Variants in FGF12 observed in about 807,000 individuals in gnomAD.
FGF12 encodes the protein fibroblast growth factor 12B.
In FGF12, 14 loss-of-function variants were observed where a neutral mutation model predicts 23.6. That is an observed-to-expected ratio of 0.59 (90% CI 0.39 to 0.93). The LOEUF (loss-of-function observed/expected upper bound fraction) is 0.93, where lower values mean the gene tolerates loss of function less well. Ranked by LOEUF, FGF12 falls within the 40% of genes least tolerant of loss-of-function variation. The pLI, the probability that FGF12 is intolerant of heterozygous loss-of-function variation, is 0.00. For missense variants in FGF12, 175 were observed against 217.8 expected (o/e 0.80, Z 1.24); for synonymous variants, 62 against 77.3 (o/e 0.80, Z 1.04).
intron 2 of FGF12, among the ~76,000 whole-genome samples, chr3:192,549,637 C>T (rs1725582919): frequency 1.3e-5 from 2 of 152,080 alleles, no homozygotes; most frequent in African/African-American, 2.4e-5. Flanking sequence ...ATGAGACTCA[C>T]ATTTGAATCA....
chr3:192,406,973 G>C (rs1720979918), intron 2 of FGF12, among the ~76,000 whole-genome samples: 2 of 152,292 alleles, frequency 1.3e-5, no homozygotes, highest in South Asian at 2.1e-4. Context: ...GTCCACAATA[G>C]GGGTAGAGTA....
chr3:192,504,826 T>C (rs149808862), intron 2 of FGF12, among the ~76,000 whole-genome samples: 2 of 152,234 alleles, frequency 1.3e-5, no homozygotes, highest in Non-Finnish European at 2.9e-5. Context: ...GATTTAGTTT[T>C]GGGAGAAAGG....
At chr3:192,519,700 G>A (rs947200710) in intron 2 of FGF12, among the ~76,000 whole-genome samples, 2 of 152,100 alleles carry the variant, frequency 1.3e-5, no homozygotes, top group African/African-American at 4.8e-5. Context: ...AGTGACTTTT[G>A]TATTTCCTTT....
At position 192,408,055 on chromosome 3, in the gene FGF12, C is replaced by A. The variant is rs779788156; in HGVS notation, c.14-47517G>T. ...CTCCGCCTCACCGGCCTCTTGCGGC[C>A]GCTGCAGAAGCGCACTTTGCTGAAC... On this transcript the variant is annotated intron_variant, in intron 2 of 5. Coordinates refer to ENST00000445105, the MANE Select transcript of FGF12 (RefSeq NM_004113.6). The surrounding 1 kb of genome is among the most constrained non-coding windows in gnomAD (Gnocchi z 7.3). The A allele has an allele frequency of 3.1e-6, 5 of 1,612,240 alleles. No individual in the cohort carries two copies. The African/African-American group carries it at 5.3e-5, about 17-fold the overall frequency.
intron 4 of FGF12, among the ~76,000 whole-genome samples, chr3:192,252,291 T>C (rs1712067610): frequency 6.6e-6 from 1 of 151,010 alleles, no homozygotes; most frequent in Non-Finnish European, 1.5e-5. Context: ...CAAAACCCTG[T>C]CTCTACTAAA....
chr3:192,438,458 A>C (rs977541134), intron 2 of FGF12, among the ~76,000 whole-genome samples: 4 of 152,258 alleles, frequency 2.6e-5, no homozygotes, highest in African/African-American at 9.6e-5. Context: ...ATCTAGAAGA[A>C]GCCATCTTCA....
chr3:192,219,760 ACACT>A (rs937482375), intron 4 of FGF12, among the ~76,000 whole-genome samples: 1 of 152,208 alleles, frequency 6.6e-6, no homozygotes, highest in Non-Finnish European at 1.5e-5. Context: ...ATTCTGACTC[ACACT>A]CACATTTGAG....
chr3:192,675,328 T>C (rs1298090931), intron 2 of FGF12, among the ~76,000 whole-genome samples: 3 of 152,180 alleles, frequency 2.0e-5, no homozygotes, highest in Admixed American at 1.3e-4. Context: ...ACTTTTTTTT[T>C]CAAGTGAGGC....
intron 2 of FGF12, among the ~76,000 whole-genome samples, chr3:192,618,112 C>A (rs997143417): frequency 7.9e-5 from 12 of 151,952 alleles, no homozygotes; most frequent in African/African-American, 2.9e-4. Flanking sequence ...ACATAAGCAA[C>A]CCTTACAGGA....
At chr3:192,430,919 T>C (rs1721843387) in intron 2 of FGF12, among the ~76,000 whole-genome samples, 2 of 152,280 alleles carry the variant, frequency 1.3e-5, no homozygotes, top group Admixed American at 6.5e-5. Context: ...TTTCAAACAA[T>C]TGGGTCTATG....
At chr3:192,551,187 A>G (rs569821873) in intron 2 of FGF12, among the ~76,000 whole-genome samples, 1 of 152,344 alleles carries the variant, frequency 6.6e-6, no homozygotes, top group South Asian at 2.1e-4. Flanking sequence ...TTAACCCCGT[A>G]TTAACTCCAG....
At chr3:192,392,951 T>C (rs911050562) in intron 2 of FGF12, among the ~76,000 whole-genome samples, 9 of 152,230 alleles carry the variant, frequency 5.9e-5, no homozygotes, top group Admixed American at 2.0e-4. Flanking sequence ...GTTTGCTTTT[T>C]AATTCTACCT....
chr3:192,643,243 C>A (rs558983136), intron 2 of FGF12, among the ~76,000 whole-genome samples: 1 of 146,674 alleles, frequency 6.8e-6, no homozygotes, highest in Admixed American at 6.8e-5. Flanking sequence ...TTATCTATCT[C>A]TAGCTAGCTA....
At position 192,633,098 on chromosome 3, in the gene FGF12, T is replaced by C. The variant is rs557549156; in HGVS notation, c.13+94083A>G. Among the ~76,000 whole-genome samples the C allele has an allele frequency of 2.0e-5, 3 of 152,272 alleles. No homozygotes were observed. The South Asian group carries it at 6.2e-4, about 32-fold the overall frequency. The stretch of plus-strand genomic sequence containing the variant: ...TCTCGCCCTGTTGCCCAGGCTGGAG[T>C]GCAGAGGCATGATCTCGGCTCACTG... On this transcript the variant is annotated intron_variant, in intron 2 of 5. Coordinates refer to ENST00000445105, the MANE Select transcript of FGF12 (RefSeq NM_004113.6).
At chr3:192,688,098 C>G (rs1717820508) in intron 2 of FGF12, among the ~76,000 whole-genome samples, 1 of 152,036 alleles carries the variant, frequency 6.6e-6, no homozygotes, top group African/African-American at 2.4e-5. Flanking sequence ...GACTATGGTC[C>G]CCATCACTTT....
chr3:192,564,357 C>T (rs2108597138), intron 2 of FGF12, among the ~76,000 whole-genome samples: 1 of 152,294 alleles, frequency 6.6e-6, no homozygotes, highest in East Asian at 1.9e-4. Flanking sequence ...AGCCACTGCG[C>T]CCTGCCGACC....
chr3:192,240,040 A>G (rs1490769644), intron 4 of FGF12, among the ~76,000 whole-genome samples: 1 of 152,214 alleles, frequency 6.6e-6, no homozygotes. Context: ...CCTTCTTGGT[A>G]GAGAAAAACT....
chr3:192,534,963 A>G (rs1725190007), intron 2 of FGF12, among the ~76,000 whole-genome samples: 1 of 152,074 alleles, frequency 6.6e-6, no homozygotes, highest in African/African-American at 2.4e-5. Context: ...ACCTTACACA[A>G]TTTATGATCT....
intron 2 of FGF12, among the ~76,000 whole-genome samples, chr3:192,536,331 C>G (rs529787634): frequency 6.6e-6 from 1 of 152,146 alleles, no homozygotes; most frequent in South Asian, 2.1e-4. Context: ...TATCAAGAAG[C>G]AAAAGTTGAA....
Sources: allele counts gnomAD v4.1 joint callset (sites outside exome capture counted in the v4.1 genomes callset), GRCh38; gene constraint gnomAD v4.1.1; non-coding constraint Gnocchi (gnomAD v3.1); transcripts MANE v1.5; gene names NCBI Gene and HGNC (gene_info 2026-07-23, HGNC 2026-07-21).